The following SINHCAF variants were observed in gnomAD, a reference collection of about 807,000 sequenced individuals.
SINHCAF encodes SIN3-HDAC complex associated factor, also known as SIN3-HDAC complex-associated factor.
In SINHCAF, 3 loss-of-function variants were observed where a neutral mutation model predicts 25.8. The ratio of observed to expected loss-of-function variants is 0.12; its 90% CI spans 0.05 to 0.30. The LOEUF (loss-of-function observed/expected upper bound fraction) is 0.30. Ranked by LOEUF, SINHCAF falls within the 10% of genes least tolerant of loss-of-function variation. The probability of loss-of-function intolerance (pLI) is 1.00; values close to 1 mark genes in which losing one functional copy is unlikely to be tolerated. For synonymous variants in SINHCAF, 70 were observed against 85.5 expected (o/e 0.82, Z 1.00); for missense variants, 121 against 262.3 (o/e 0.46, Z 3.72).
chr12:31,317,318 A>G (rs1939530974), intron 1 of SINHCAF, among the ~76,000 whole-genome samples: 2 of 151,702 alleles, frequency 1.3e-5, no homozygotes, highest in South Asian at 4.2e-4. Flanking sequence ...TCTTTCTAAA[A>G]ATCAACTGGC....
rs1020956229 is a variant in SINHCAF, at chr12:31,325,807, TAATA to T, written c.-21+213_-21+216del. 2 of 154,364 alleles carry T rather than the reference TAATA, an allele frequency of 1.3e-5. No homozygotes were observed. Among genetic ancestry groups the T allele is most frequent in the Non-Finnish European group, 2.9e-5 (2 of 69,584 alleles). The allele number at this position is 154,364 out of a possible 1,614,324, so 9.6% of individuals were successfully genotyped here. On this transcript the variant is annotated intron_variant, in intron 1 of 5. Transcript: ENST00000337682. This position sits in a 1 kb window ranked among gnomAD's most constrained non-coding sequence, Gnocchi z 5.9. ...GTTTGCCTCAAATACCCTCCCCAAT[TAATA>T]AATACACACTAAACACGAGCGTACC...
chr12:31,288,628 G>T lies in SINHCAF; in HGVS notation c.356-844C>A, dbSNP rs577801257. 5.5e-5 allele frequency among the ~76,000 whole-genome samples: 4 copies of T among 73,030 alleles called. No individual in the cohort carries two copies. In the East Asian group the frequency reaches 1.5e-3, roughly 27 times the overall value. The allele number at this position is 73,030 out of a possible 152,430, so 47.9% of individuals were successfully genotyped here. On this transcript the variant is annotated intron_variant, in intron 4 of 5. Coordinates refer to ENST00000337682, the MANE Select transcript of SINHCAF (RefSeq NM_001135812.2). ...AGAGAAACTGGAATTCTAACACCTG[G>T]CGGTAAGTAATAGGGTGGTGAGGCC...
chr12:31,325,510 A>C lies in SINHCAF; in HGVS notation c.-21+514T>G. ...GCGAATGGCGTTTATTGTCCACCCT[A>C]GTCCGAGGGCTGCAGTCAACTAAAC... On this transcript the variant is annotated intron_variant, in intron 1 of 5. Transcript: ENST00000337682. This position sits in a 1 kb window ranked among gnomAD's most constrained non-coding sequence, Gnocchi z 5.9. 1 of 305,506 alleles carries C rather than the reference A, an allele frequency of 3.3e-6. No individual in the cohort carries two copies. Among genetic ancestry groups the C allele is most frequent in the Non-Finnish European group, 6.5e-6 (1 of 152,822 alleles). 18.9% of individuals were successfully genotyped at this position (305,506 alleles called of 1,614,324 possible). A position where few individuals can be genotyped will look rare whatever the true frequency, so the allele number is the denominator to read the frequency against.
intron 1 of SINHCAF, among the ~76,000 whole-genome samples, chr12:31,316,108 T>G (rs758532255): frequency 6.6e-6 from 1 of 152,018 alleles, no homozygotes; most frequent in Non-Finnish European, 1.5e-5. Context: ...AGGCAGAGTA[T>G]GCAGTGAGCC....
At position 31,323,632 on chromosome 12, in the gene SINHCAF, G is replaced by A. The variant is rs534250870; in HGVS notation, c.-21+2392C>T. On this transcript the variant is annotated intron_variant, in intron 1 of 5. Transcript: ENST00000337682. ...CATAGTTACCAGAACAAACTGCACC[G>A]CCCTACCACCTCAAGAAACCAACTC... is the stretch of plus-strand genomic sequence containing the variant. 2.6e-5 allele frequency among the ~76,000 whole-genome samples: 4 copies of A among 152,122 alleles called. No individual in the cohort carries two copies. The East Asian group carries it at 5.8e-4, about 22-fold the overall frequency.
At chr12:31,287,890 A>G in intron 4 of SINHCAF, 106 bp from the exon 5 acceptor site, 2 of 719,318 alleles carry the variant, frequency 2.8e-6, no homozygotes, top group South Asian at 6.0e-5. Flanking sequence ...AAAAAGAAAA[A>G]GTAAAAAATA....
At chr12:31,320,005 A>C (rs1002616166) in intron 1 of SINHCAF, among the ~76,000 whole-genome samples, 2 of 152,122 alleles carry the variant, frequency 1.3e-5, no homozygotes, top group Non-Finnish European at 2.9e-5. Context: ...AAGTCCTTAG[A>C]AATTCTGTTT....
At chr12:31,314,426 T>C (rs557093765) in intron 1 of SINHCAF, among the ~76,000 whole-genome samples, 3 of 152,036 alleles carry the variant, frequency 2.0e-5, no homozygotes, top group African/African-American at 7.2e-5. Context: ...CTCTGAAGGC[T>C]GAGGCAGAAG....
At chr12:31,295,026 A>G (rs1429734057) in intron 3 of SINHCAF, among the ~76,000 whole-genome samples, 1 of 152,216 alleles carries the variant, frequency 6.6e-6, no homozygotes, top group African/African-American at 2.4e-5. Context: ...GATATTGGAT[A>G]CAGCCTTAAG....
intron 1 of SINHCAF, among the ~76,000 whole-genome samples, chr12:31,308,676 T>A (rs1223319291): frequency 6.6e-6 from 1 of 152,190 alleles, no homozygotes; most frequent in African/African-American, 2.4e-5. Context: ...GCTAAATTCA[T>A]ATTTCAGTAT....
chr12:31,308,032 C>G (rs973101556), intron 1 of SINHCAF, among the ~76,000 whole-genome samples: 4 of 152,190 alleles, frequency 2.6e-5, no homozygotes, highest in African/African-American at 9.6e-5. Context: ...CTCTGCCTCC[C>G]AAGTTCAAGC....
At chr12:31,303,351 G>A in intron 1 of SINHCAF, 1 of 417,476 alleles carries the variant, frequency 2.4e-6, no homozygotes, top group Non-Finnish European at 3.2e-6. Flanking sequence ...CCACGTTGGA[G>A]GGAAAGAGGT....
intron 1 of SINHCAF, among the ~76,000 whole-genome samples, chr12:31,322,407 T>C (rs1043241476): frequency 1.6e-4 from 24 of 152,212 alleles, no homozygotes; most frequent in African/African-American, 5.8e-4. Flanking sequence ...CCCAGAGAAA[T>C]AGCTGCGAAA....
At chr12:31,296,996 G>GT (rs767806481) in intron 2 of SINHCAF, 79 of 442,794 alleles carry the variant, frequency 1.8e-4, no homozygotes, top group Non-Finnish European at 5.5e-5. Context: ...GATCACACCT[G>GT]TGAATAGCTA....
chr12:31,299,897 C>T (rs1375737542), intron 1 of SINHCAF, among the ~76,000 whole-genome samples: 1 of 152,132 alleles, frequency 6.6e-6, no homozygotes, highest in Non-Finnish European at 1.5e-5. Context: ...ACTTATACAG[C>T]GTGTGACGGT....
intron 5 of SINHCAF, 116 bp downstream of exon 5, chr12:31,287,518 T>A (rs1938129716): frequency 1.5e-6 from 1 of 663,810 alleles, no homozygotes; most frequent in African/African-American, 1.8e-5. Context: ...CTTAATCCAC[T>A]GCAATCGTGT....
Position 31,282,117 on chromosome 12 carries a change from G to C in SINHCAF, c.*595C>G, listed in dbSNP as rs1468438857. The C allele has an allele frequency of 6.6e-6, 1 of 151,850 alleles. No individual in the cohort carries two copies. The highest frequency in any genetic ancestry group is 2.4e-5 in the African/African-American group (1 of 41,038). The allele number at this position is 151,850 out of a possible 1,614,324, so 9.4% of individuals were successfully genotyped here. A position where few individuals can be genotyped will look rare whatever the true frequency, so the allele number is the denominator to read the frequency against. ...CAACCACTGCTTCTCAAAACAGAAA[G>C]ACTAAAAACTACATACAGTTTATCA... On this transcript the variant is annotated 3_prime_UTR_variant, in exon 6 of 6. Transcript: ENST00000337682.
chr12:31,324,861 T>C lies in SINHCAF; in HGVS notation c.-21+1163A>G. 1 of 420,834 alleles carries C rather than the reference T, an allele frequency of 2.4e-6. No individual in the cohort carries two copies. 26.1% of individuals were successfully genotyped at this position (420,834 alleles called of 1,614,324 possible). A position where few individuals can be genotyped will look rare whatever the true frequency, so the allele number is the denominator to read the frequency against. On this transcript the variant is annotated intron_variant, in intron 1 of 5. Transcript: ENST00000337682. This position sits in a 1 kb window ranked among gnomAD's most constrained non-coding sequence, Gnocchi z 5.5. ...TGTCCTTGATGAGAAACGCCCGGAG[T>C]ATCCGCCCCGCACGGGCGGAGAGTT...
chr12:31,289,515 C>A (rs534076941), intron 4 of SINHCAF, among the ~76,000 whole-genome samples: 1 of 152,304 alleles, frequency 6.6e-6, no homozygotes, highest in East Asian at 1.9e-4. Context: ...TAATACTTTG[C>A]CTGTTTATGT....
Sources: gnomAD v4.1 joint callset for allele counts (sites outside exome capture counted in the v4.1 genomes callset) on GRCh38, gnomAD v4.1.1 for gene constraint, Gnocchi (gnomAD v3.1) non-coding constraint, MANE v1.5 for transcripts, NCBI Gene and HGNC (gene_info 2026-07-23, HGNC 2026-07-21) for gene names.